The following PTPRD variants were observed in gnomAD, a reference collection of about 807,000 sequenced individuals.
The protein encoded by PTPRD is receptor-type tyrosine-protein phosphatase delta.
In PTPRD, 34 loss-of-function variants were observed where a neutral mutation model predicts 214.5. That is an observed-to-expected ratio of 0.16 (90% CI 0.12 to 0.21). The LOEUF is 0.21. Ranked by LOEUF, PTPRD falls within the 10% of genes least tolerant of loss-of-function variation. PTPRD has a pLI of 1.00. For missense variants in PTPRD, 2,545 were observed against 2,398.7 expected, an observed-to-expected ratio of 1.06 and a Z score of -1.27; for synonymous variants, 1,128 against 845.7, an observed-to-expected ratio of 1.33 and a Z score of -5.79.
chr9:9,437,531 T>C (rs2085801899), intron 8 of PTPRD, among the ~76,000 whole-genome samples: 1 of 152,186 alleles, frequency 6.6e-6, no homozygotes, highest in East Asian at 1.9e-4. Flanking sequence ...TTTTCTCTAT[T>C]ATCTGGCAGA....
At position 8,718,399 on chromosome 9, in the gene PTPRD, T is replaced by C. The variant is rs78996106; in HGVS notation, c.64+15381A>G. On this transcript the variant is annotated intron_variant, in intron 12 of 45. Transcript: ENST00000381196. ...TCCCTCTCACTCCAAATCACAACAATTGAAATGAAAAAGAAGTATGTGTTG... is the reference window on the plus strand; with the variant it reads ...TCCCTCTCACTCCAAATCACAACAACTGAAATGAAAAAGAAGTATGTGTTG... Among the ~76,000 whole-genome samples the C allele has an allele frequency of 8.6e-3, 1,313 of 152,270 alleles. 19 individuals are homozygous for C. Among genetic ancestry groups the C allele is most frequent in the African/African-American group, 0.03 (1,242 of 41,548 alleles).
chr9:8,470,138 T>C (rs894448996), intron 31 of PTPRD, among the ~76,000 whole-genome samples: 4 of 152,132 alleles, frequency 2.6e-5, no homozygotes, highest in Non-Finnish European at 5.9e-5. Context: ...ATTTGCCTTA[T>C]GAACTGATTG....
chr9:10,563,936 G>T (rs1218133335), intron 2 of PTPRD, among the ~76,000 whole-genome samples: 1 of 151,670 alleles, frequency 6.6e-6, no homozygotes, highest in Non-Finnish European at 1.5e-5. Flanking sequence ...TGATAGAAAA[G>T]ACATACTCTA....
intron 11 of PTPRD, among the ~76,000 whole-genome samples, chr9:8,739,008 C>G (rs966876440): frequency 6.6e-6 from 1 of 152,184 alleles, no homozygotes; most frequent in Non-Finnish European, 1.5e-5. Context: ...CCTCCCAAAC[C>G]AGGCCTCTGT....
At chr9:8,380,084 G>A (rs746153338) in intron 37 of PTPRD, among the ~76,000 whole-genome samples, 9 of 152,058 alleles carry the variant, frequency 5.9e-5, no homozygotes, top group Non-Finnish European at 1.0e-4. Context: ...CTGGATTTTT[G>A]TGTGTGGGGG....
At chr9:10,307,829 G>A (rs1307368167) in intron 3 of PTPRD, among the ~76,000 whole-genome samples, 7 of 151,790 alleles carry the variant, frequency 4.6e-5, no homozygotes, top group African/African-American at 7.3e-5. Flanking sequence ...GATGCTAAAC[G>A]CTTTTTTCAT....
rs746902407 is a variant in PTPRD at position 10,540,823 on chromosome 9, GT to G, written c.-600+71574del. Among the ~76,000 whole-genome samples, 4 of 151,972 alleles carry G rather than the reference GT, an allele frequency of 2.6e-5. No individual in the cohort carries two copies. The South Asian group carries it at 8.3e-4, about 32-fold the overall frequency. ...AGACTCAGACTAGAACTTAATGGAT[GT>G]TTTTCAAATCATAAAACTACTCTGC... On this transcript the variant is annotated intron_variant, in intron 2 of 45. Coordinates refer to ENST00000381196, the MANE Select transcript of PTPRD (RefSeq NM_002839.4).
chr9:8,555,175 G>A (rs527736776), intron 14 of PTPRD, among the ~76,000 whole-genome samples: 1 of 152,100 alleles, frequency 6.6e-6, no homozygotes, highest in Non-Finnish European at 1.5e-5. Context: ...ACACCAATTT[G>A]GGAGGATCAC....
intron 8 of PTPRD, among the ~76,000 whole-genome samples, chr9:9,511,912 A>G (rs1021675019): frequency 6.6e-6 from 1 of 151,766 alleles, no homozygotes; most frequent in Non-Finnish European, 1.5e-5. Context: ...TAGAAGACCT[A>G]AAACTGCTAT....
rs148502493 is a variant in PTPRD, at chr9:8,440,795, C to T, written c.3989-4106G>A. Among the ~76,000 whole-genome samples, 507 of 152,262 alleles carry T rather than the reference C, an allele frequency of 3.3e-3. 4 individuals carry two copies. Among genetic ancestry groups the T allele is most frequent in the East Asian group, 0.012 (61 of 5,176 alleles). On this transcript the variant is annotated intron_variant, in intron 34 of 45. Transcript: ENST00000381196. ...GTACATATTGGTGAGACTGATGTCA[C>T]GGTGACTTCCTTATAAGAAGTAAAC...
chr9:9,828,968 T>C (rs374880880), intron 5 of PTPRD, among the ~76,000 whole-genome samples: 8 of 151,960 alleles, frequency 5.3e-5, no homozygotes, highest in African/African-American at 1.2e-4. Context: ...GGAAACATTA[T>C]CTTGCAGATT....
chr9:9,303,607 T>C, intron 9 of PTPRD, among the ~76,000 whole-genome samples: 1 of 152,082 alleles, frequency 6.6e-6, no homozygotes, highest in African/African-American at 2.4e-5. Context: ...AAGCCTATCA[T>C]CTACAATTAG....
intron 9 of PTPRD, among the ~76,000 whole-genome samples, chr9:9,229,093 T>C (rs1157374420): frequency 6.6e-6 from 1 of 152,166 alleles, no homozygotes; most frequent in African/African-American, 2.4e-5. Context: ...TGTTTCCCTG[T>C]AACATTCATA....
intron 3 of PTPRD, among the ~76,000 whole-genome samples, chr9:10,063,026 TA>T (rs1254982411): frequency 1.3e-5 from 2 of 152,036 alleles, no homozygotes; most frequent in African/African-American, 4.8e-5. Flanking sequence ...AGAACACCAA[TA>T]TATTGAATTT....
intron 9 of PTPRD, among the ~76,000 whole-genome samples, chr9:9,224,431 C>A (rs752276330): frequency 7.2e-5 from 11 of 151,864 alleles, no homozygotes; most frequent in Non-Finnish European, 1.6e-4. Context: ...TCTAAGACTG[C>A]CTCTGATTTG....
At chr9:10,482,774 A>G (rs867061616) in intron 2 of PTPRD, among the ~76,000 whole-genome samples, 5 of 152,268 alleles carry the variant, frequency 3.3e-5, no homozygotes, top group African/African-American at 1.2e-4. Context: ...AAAAATCTCC[A>G]AGGGGAACTA....
Position 9,729,169 on chromosome 9 carries a change from C to T in PTPRD, c.-287+5364G>A, listed in dbSNP as rs376979951. On this transcript the variant is annotated intron_variant, in intron 7 of 45. Transcript: ENST00000381196. ...TAACAAACAAAACAAAAATAAAATGCAACTCAGTTGCTTAAGAAAACAGAA... is the reference window on the plus strand; with the variant it reads ...TAACAAACAAAACAAAAATAAAATGTAACTCAGTTGCTTAAGAAAACAGAA... 2.9e-3 allele frequency among the ~76,000 whole-genome samples: 443 copies of T among 152,220 alleles called. 3 individuals carry two copies. Among genetic ancestry groups the T allele is most frequent in the African/African-American group, 0.01 (420 of 41,546 alleles).
At chr9:9,898,135 G>A (rs1004284033) in intron 5 of PTPRD, among the ~76,000 whole-genome samples, 1 of 152,040 alleles carries the variant, frequency 6.6e-6, no homozygotes, top group African/African-American at 2.4e-5. Context: ...TATTCATAAT[G>A]TATGAAACTT....
intron 5 of PTPRD, among the ~76,000 whole-genome samples, chr9:9,863,052 A>G (rs1000326064): frequency 6.6e-6 from 1 of 152,306 alleles, no homozygotes; most frequent in Admixed American, 6.5e-5. Context: ...GAGATTTTTT[A>G]AATTTTACTC....
Sources: gnomAD v4.1 joint callset for allele counts (sites outside exome capture counted in the v4.1 genomes callset) on GRCh38, gnomAD v4.1.1 for gene constraint, MANE v1.5 for transcripts, NCBI Gene and HGNC (gene_info 2026-07-23, HGNC 2026-07-21) for gene names.